TMEM268: variants seen among roughly 807,000 people sequenced by gnomAD.
TMEM268 encodes the protein transmembrane protein 268.
Under a neutral mutation model 39.1 loss-of-function variants are expected in TMEM268, and 24 were observed. The observed-to-expected ratio is 0.61, with a 90% CI of 0.44 to 0.86. The LOEUF is 0.86. Among genes scored for constraint, TMEM268 ranks in the 40% least tolerant of loss-of-function variants. The pLI, the probability that TMEM268 is intolerant of heterozygous loss-of-function variation, is 0.00. For missense variants in TMEM268, 409 were observed against 428.6 expected (o/e 0.95, Z 0.40); for synonymous variants, 176 against 173.5 (o/e 1.01, Z -0.12).
intron 2 of TMEM268, among the ~76,000 whole-genome samples, chr9:114,619,168 A>G (rs927044041): frequency 6.6e-6 from 1 of 152,276 alleles, no homozygotes; most frequent in African/African-American, 2.4e-5. Context: ...ACAAAAGTAG[A>G]ACAAGATGGA....
intron 5 of TMEM268, among the ~76,000 whole-genome samples, chr9:114,631,127 A>G (rs1158018008): frequency 6.6e-6 from 1 of 152,084 alleles, no homozygotes; most frequent in East Asian, 1.9e-4. Flanking sequence ...CAGGCTAGGC[A>G]ACATTGTGAG....
At chr9:114,622,229 T>G (rs1328357100) in intron 2 of TMEM268, 1 of 985,236 alleles carries the variant, frequency 1.0e-6, no homozygotes, top group Non-Finnish European at 1.2e-6. Flanking sequence ...TAGACTGGGG[T>G]GACAGGAGTT....
chr9:114,638,058 T>C (rs1846720714), intron 7 of TMEM268, among the ~76,000 whole-genome samples: 1 of 152,204 alleles, frequency 6.6e-6, no homozygotes, highest in Admixed American at 6.5e-5. Context: ...TTTGTTTGTT[T>C]TGAGGCAGAG....
chr9:114,619,868 C>CT (rs34823015), intron 2 of TMEM268, among the ~76,000 whole-genome samples: 29 of 151,070 alleles, frequency 1.9e-4, no homozygotes, highest in East Asian at 9.7e-4. Context: ...TATTGTCTGC[C>CT]TTTTTTTTTG....
chr9:114,618,057 A>G lies in TMEM268; in HGVS notation c.106+756A>G, dbSNP rs560024815. Among the ~76,000 whole-genome samples the G allele has an allele frequency of 6.0e-5, 9 of 150,522 alleles. No individual in the cohort carries two copies. In the South Asian group the frequency reaches 1.9e-3, roughly 32 times the overall value. ...ACGCCCAGCTAATTTTCGTATTTTT[A>G]GTAGAGATGGGGTTTCACCATCTTG... On this transcript the variant is annotated intron_variant, in intron 2 of 8. Transcript: ENST00000288502.
At chr9:114,605,213 C>T in the TMEM268 span, among the ~76,000 whole-genome samples, 1 of 152,148 alleles carries the variant, frequency 6.6e-6, no homozygotes, top group African/African-American at 2.4e-5. Context: ...TATTTTTCTC[C>T]CCTTGAGGGT....
At position 114,628,204 on chromosome 9, in the gene TMEM268, G is replaced by A. The variant is rs1322309452; in HGVS notation, c.428G>A (p.Ser143Asn). The change falls in exon 5 of 9, where the codon AGC (serine) becomes AAC (asparagine). Residue 143 changes from serine (S) to asparagine (N), a missense_variant. Physicochemically the swap from Ser to Asn is conservative, Grantham distance 46. Coordinates refer to ENST00000288502, the MANE Select transcript of TMEM268 (RefSeq NM_153045.4). ...GMLLVTLAAV[S>N]LTLTLVLVFE... ...CTGCTCGTGACCCTGGCCGCGGTGA[G>A]CCTGACCTTGACTCTTGTGCTGGTC... is the stretch of plus-strand genomic sequence containing the variant. 3.1e-6 allele frequency: 5 copies of A among 1,614,190 alleles called. No individual in the cohort carries two copies. In the South Asian group the frequency reaches 4.4e-5, roughly 14 times the overall value.
At chr9:114,642,571 A>G (rs1046682055) in intron 8 of TMEM268, among the ~76,000 whole-genome samples, 2 of 152,142 alleles carry the variant, frequency 1.3e-5, no homozygotes, top group Non-Finnish European at 2.9e-5. Context: ...ACTCATAGAC[A>G]TTTGAAAGTG....
chr9:114,640,476 C>T lies in TMEM268; in HGVS notation c.849+1750C>T, dbSNP rs929682026. ...GCATAAAATTCATTAGCATACTCTT[C>T]GAGGTATGAATTATTTTCCCTTTTT... On this transcript the variant is annotated intron_variant, in intron 8 of 8. Coordinates refer to ENST00000288502, the MANE Select transcript of TMEM268 (RefSeq NM_153045.4). Among the ~76,000 whole-genome samples the T allele has an allele frequency of 7.9e-5, 12 of 152,234 alleles. No individual in the cohort carries two copies. The South Asian group carries it at 1.2e-3, about 16-fold the overall frequency.
intron 2 of TMEM268, among the ~76,000 whole-genome samples, chr9:114,619,988 C>T (rs563874637): frequency 3.2e-4 from 49 of 151,876 alleles, no homozygotes; most frequent in Non-Finnish European, 5.4e-4. Context: ...GTGGGTGGAT[C>T]GGATCACCTG....
intron 8 of TMEM268, among the ~76,000 whole-genome samples, chr9:114,641,197 C>T (rs1827318613): frequency 6.6e-6 from 1 of 152,110 alleles, no homozygotes; most frequent in Non-Finnish European, 1.5e-5. Flanking sequence ...CTTTAATCCT[C>T]ACTGTAACTT....
chr9:114,616,581 G>A (rs890387771), intron 1 of TMEM268, among the ~76,000 whole-genome samples: 2 of 149,658 alleles, frequency 1.3e-5, no homozygotes, highest in Non-Finnish European at 3.0e-5. Context: ...GGCCAGGCTG[G>A]TCTCAAACTC....
At chr9:114,614,483 G>A (rs968131211) in intron 1 of TMEM268, among the ~76,000 whole-genome samples, 2 of 152,102 alleles carry the variant, frequency 1.3e-5, no homozygotes, top group Admixed American at 6.5e-5. Context: ...TTTTCATTTC[G>A]CATTGGGCCC....
At chr9:114,638,013 T>C (rs949181053) in intron 7 of TMEM268, among the ~76,000 whole-genome samples, 20 of 152,222 alleles carry the variant, frequency 1.3e-4, no homozygotes, top group African/African-American at 4.8e-4. Flanking sequence ...CCAGGCTGCT[T>C]TGAGCAAGTG....
chr9:114,617,261 G>C lies in TMEM268; in HGVS notation c.66G>C (p.Trp22Cys), dbSNP rs1845759920. 6.2e-7 allele frequency: 1 copy of C among 1,613,652 alleles called. No individual in the cohort carries two copies. The highest frequency in any genetic ancestry group is 8.5e-7 in the Non-Finnish European group (1 of 1,179,766). ...TGPLPPSSPG[W>C]SALPGGSPPG... ...CATTGCCCCCCTCCTCCCCTGGCTG[G>C]AGTGCCCTGCCTGGAGGGAGCCCTC... is the stretch of plus-strand genomic sequence containing the variant. The change falls in exon 2 of 9, where the codon TGG becomes TGC. Residue 22 changes from tryptophan (W) to cysteine (C), a missense_variant. By Grantham distance (215) the Trp-to-Cys change is radical. Transcript: ENST00000288502.
At chr9:114,623,013 C>G (rs1228882256) in intron 2 of TMEM268, among the ~76,000 whole-genome samples, 1 of 152,018 alleles carries the variant, frequency 6.6e-6, no homozygotes, top group East Asian at 1.9e-4. Context: ...TCACTTGAAC[C>G]TGGGAGGTGG....
At chr9:114,626,082 C>T (rs1846148488) in intron 3 of TMEM268, among the ~76,000 whole-genome samples, 1 of 152,144 alleles carries the variant, frequency 6.6e-6, no homozygotes, top group Non-Finnish European at 1.5e-5. Flanking sequence ...GCCTTGACCT[C>T]CCAAAGTGCG....
chr9:114,641,597 C>T (rs1400796016), intron 8 of TMEM268, among the ~76,000 whole-genome samples: 2 of 152,018 alleles, frequency 1.3e-5, no homozygotes, highest in Non-Finnish European at 2.9e-5. Context: ...AAGGCAGGAG[C>T]CCAGGAGTTC....
the TMEM268 span, among the ~76,000 whole-genome samples, chr9:114,605,066 G>A: frequency 3.3e-5 from 5 of 152,150 alleles, no homozygotes; most frequent in African/African-American, 9.7e-5. Flanking sequence ...AGTAAGGCCC[G>A]TAACTAACAT....
Sources: gnomAD v4.1 joint callset for allele counts (sites outside exome capture counted in the v4.1 genomes callset) on GRCh38, gnomAD v4.1.1 for gene constraint, MANE v1.5 for transcripts, NCBI Gene and HGNC (gene_info 2026-07-23, HGNC 2026-07-21) for gene names.